The following CMSS1 variants were observed in gnomAD, a reference collection of about 807,000 sequenced individuals.
CMSS1 encodes protein CMSS1.
A neutral mutation model predicts 43.5 loss-of-function variants in CMSS1; 33 were observed. The ratio of observed to expected loss-of-function variants is 0.76; its 90% CI spans 0.57 to 1.01. The LOEUF (loss-of-function observed/expected upper bound fraction) is 1.01. Among genes scored for constraint, CMSS1 ranks in the 50% least tolerant of loss-of-function variants. The probability of loss-of-function intolerance (pLI) is 0.00; values close to 1 mark genes in which losing one functional copy is unlikely to be tolerated. For missense variants in CMSS1, 313 were observed against 326.4 expected, an observed-to-expected ratio of 0.96 and a Z score of 0.32; for synonymous variants, 115 against 117.2, an observed-to-expected ratio of 0.98 and a Z score of 0.12.
intron 1 of CMSS1, among the ~76,000 whole-genome samples, chr3:99,907,571 G>C (rs1409005096): frequency 6.6e-6 from 1 of 152,072 alleles, no homozygotes; most frequent in Non-Finnish European, 1.5e-5. Flanking sequence ...GACATCTGCA[G>C]CTCTTTGCTG....
chr3:99,959,059 CAG>C (rs1259663101), intron 1 of CMSS1, among the ~76,000 whole-genome samples: 1 of 152,016 alleles, frequency 6.6e-6, no homozygotes, highest in African/African-American at 2.4e-5. Flanking sequence ...ATAAATGTAA[CAG>C]AATTTGAAAA....
At chr3:99,930,828 C>T in intron 1 of CMSS1, 3 of 1,612,692 alleles carry the variant, frequency 1.9e-6, no homozygotes, top group Middle Eastern at 3.3e-4. Flanking sequence ...GAGAGGTCTT[C>T]TGCTTGGTGG....
chr3:99,850,949 C>T, intron 1 of CMSS1: 1 of 1,614,206 alleles, frequency 6.2e-7, no homozygotes. Flanking sequence ...TGTTCATCCA[C>T]CACCATCAAA....
intron 1 of CMSS1, among the ~76,000 whole-genome samples, chr3:100,046,131 T>C (rs1441619699): frequency 6.6e-6 from 1 of 152,212 alleles, no homozygotes; most frequent in Non-Finnish European, 1.5e-5. Flanking sequence ...CACAGCTAAA[T>C]AGCTGTATTC....
chr3:99,864,110 T>A (rs1944394529), intron 1 of CMSS1, among the ~76,000 whole-genome samples: 1 of 152,258 alleles, frequency 6.6e-6, no homozygotes, highest in Non-Finnish European at 1.5e-5. Context: ...TTTTGCTGTT[T>A]TGAAATTATT....
At chr3:99,999,640 G>A (rs1235069719) in intron 1 of CMSS1, among the ~76,000 whole-genome samples, 1 of 152,132 alleles carries the variant, frequency 6.6e-6, no homozygotes, top group Non-Finnish European at 1.5e-5. Flanking sequence ...TTCAGTCAGC[G>A]CTTTGCTAAA....
chr3:100,146,673 C>G (rs1032221085), intron 1 of CMSS1, among the ~76,000 whole-genome samples: 2 of 152,202 alleles, frequency 1.3e-5, no homozygotes, highest in Non-Finnish European at 2.9e-5. Flanking sequence ...TCATTGTAAA[C>G]TCTTAATAAA....
chr3:100,151,580 A>G (rs2066908855), intron 2 of CMSS1, among the ~76,000 whole-genome samples: 2 of 152,218 alleles, frequency 1.3e-5, no homozygotes, highest in Admixed American at 1.3e-4. Flanking sequence ...AGAAACCACA[A>G]TCTTTTTATA....
chr3:99,988,438 G>A (rs1045746798), intron 1 of CMSS1, among the ~76,000 whole-genome samples: 11 of 149,386 alleles, frequency 7.4e-5, no homozygotes, highest in Non-Finnish European at 1.5e-4. Context: ...CTTGAATGTG[G>A]GAGGCGGAGG....
chr3:100,052,007 A>T (rs978978606), intron 1 of CMSS1, among the ~76,000 whole-genome samples: 2 of 151,318 alleles, frequency 1.3e-5, no homozygotes, highest in African/African-American at 4.8e-5. Context: ...AAAATATTTC[A>T]AGCAAGAAAC....
At chr3:100,161,159 G>A (rs1251094550) in intron 3 of CMSS1, among the ~76,000 whole-genome samples, 14 of 152,206 alleles carry the variant, frequency 9.2e-5, no homozygotes, top group Admixed American at 9.2e-4. Context: ...GTCTGCTGCT[G>A]AAGTCAGCCG....
At chr3:100,115,557 T>TTCTC (rs1444990340) in intron 1 of CMSS1, among the ~76,000 whole-genome samples, 6 of 75,254 alleles carry the variant, frequency 8.0e-5, no homozygotes, top group Admixed American at 3.8e-4. Context: ...CTCTTTCTCT[T>TTCTC]TCTCTCTCTC....
intron 1 of CMSS1, among the ~76,000 whole-genome samples, chr3:99,988,511 C>CAA (rs757175318): frequency 0.27 from 12,917 of 47,332 alleles, 1,114 homozygotes; most frequent in Middle Eastern, 0.33. Flanking sequence ...GACTCCATCT[C>CAA]AAAAAAAAAA....
intron 1 of CMSS1, among the ~76,000 whole-genome samples, chr3:99,994,469 G>A (rs1019776602): frequency 2.0e-5 from 3 of 152,136 alleles, no homozygotes; most frequent in Non-Finnish European, 4.4e-5. Context: ...CTCTGAGGTC[G>A]ATCACATGTT....
At chr3:100,140,605 G>A (rs200225596) in intron 1 of CMSS1, among the ~76,000 whole-genome samples, 1 of 152,012 alleles carries the variant, frequency 6.6e-6, no homozygotes, top group East Asian at 1.9e-4. Context: ...TCTTGCCTCA[G>A]CCTCCCTAAG....
intron 1 of CMSS1, among the ~76,000 whole-genome samples, chr3:100,140,502 T>C (rs1291408831): frequency 2.0e-5 from 3 of 151,782 alleles, no homozygotes; most frequent in Non-Finnish European, 4.4e-5. Flanking sequence ...AATTCATCCA[T>C]GTTATGTTTT....
chr3:99,951,655 C>T (rs1708180950), intron 1 of CMSS1, among the ~76,000 whole-genome samples: 1 of 152,180 alleles, frequency 6.6e-6, no homozygotes, highest in South Asian at 2.1e-4. Flanking sequence ...TACACAGTCC[C>T]CACTATGTTG....
intron 1 of CMSS1, among the ~76,000 whole-genome samples, chr3:100,082,528 C>T (rs2065948137): frequency 6.6e-6 from 1 of 152,058 alleles, no homozygotes; most frequent in African/African-American, 2.4e-5. Context: ...AGAAGACAGC[C>T]CATAATATCT....
chr3:99,835,435 A>G (rs1942856824), intron 1 of CMSS1, among the ~76,000 whole-genome samples: 1 of 152,232 alleles, frequency 6.6e-6, no homozygotes, highest in Admixed American at 6.5e-5. Flanking sequence ...AAAAGGACAA[A>G]TGCAGGCCAG....
Sources: allele counts gnomAD v4.1 joint callset (sites outside exome capture counted in the v4.1 genomes callset), GRCh38; gene constraint gnomAD v4.1.1; transcripts MANE v1.5; gene names NCBI Gene and HGNC (gene_info 2026-07-23, HGNC 2026-07-21).